Variants in RSC1A1 observed in about 807,000 individuals in gnomAD.
RSC1A1 encodes regulatory solute carrier protein family 1 member 1.
Under a neutral mutation model 7.7 loss-of-function variants are expected in RSC1A1, and 6 were observed. The ratio of observed to expected loss-of-function variants is 0.78; its 90% confidence interval spans 0.43 to 1.53. RSC1A1 has a LOEUF of 1.53. Ranked by LOEUF, RSC1A1 falls within the 40% of genes most tolerant of loss-of-function variation. The pLI is 0.01. For synonymous variants in RSC1A1, 250 were observed against 263.0 expected (o/e 0.95, Z 0.48); for missense variants, 729 against 726.3 (o/e 1.00, Z -0.04).
Position 15,661,000 on chromosome 1 carries a change from G to C in RSC1A1, c.1132G>C (p.Val378Leu). ...KPASENTSEEVICQSETIAEG... is the reference protein window; with the variant it reads ...KPASENTSEELICQSETIAEG... ...AGCTTCAGAAAATACATCTGAAGAAGTAATCTGTCAATCAGAAACCATAGC... is the reference window on the plus strand; with the variant it reads ...AGCTTCAGAAAATACATCTGAAGAACTAATCTGTCAATCAGAAACCATAGC... Residue 378 changes from valine to leucine, a missense_variant, in exon 1 of 1, where the codon GTA becomes CTA. By Grantham distance (32) the Val-to-Leu change is conservative (BLOSUM62 1). Coordinates refer to ENST00000345034, the MANE Select transcript of RSC1A1 (RefSeq NM_006511.3). 1 of 1,614,046 alleles carries C rather than the reference G, an allele frequency of 6.2e-7. No individual in the cohort carries two copies. The highest frequency in any genetic ancestry group is 1.1e-5 in the South Asian group (1 of 91,054).
Position 15,659,777 on chromosome 1 carries a change from A to G in RSC1A1, c.-92A>G. 6.8e-7 allele frequency: 1 copy of G among 1,461,114 alleles called. No homozygotes were observed. Among genetic ancestry groups the G allele is most frequent in the African/African-American group, 1.4e-5 (1 of 71,072 alleles). The allele number at this position is 1,461,114 out of a possible 1,614,324, so 90.5% of individuals were successfully genotyped here. On this transcript the variant is annotated 5_prime_UTR_variant, in exon 1 of 1. Transcript: ENST00000345034. ...CTGTTTAGATTTGTATCCTCTGGTA[A>G]TTTAGTGGCATTAGTCACCTGCTAA...
rs144378011 is a variant in RSC1A1 at position 15,661,157 on chromosome 1, C to G, written c.1289C>G (p.Thr430Arg). Residue 430 changes from threonine to arginine, a missense_variant, in exon 1 of 1, where the codon ACA (threonine) becomes AGA (arginine). Coordinates refer to ENST00000345034, the MANE Select transcript of RSC1A1 (RefSeq NM_006511.3). The part of the protein sequence containing the change: ...ISVSVETEKL[T>R]GTSSDTGREA... ...GTATCAGTGGAGACAGAAAAATTAA[C>G]AGGTACTTCATCTGACACTGGAAGA... 7.9e-5 allele frequency: 128 copies of G among 1,614,044 alleles called. No homozygotes were observed. The African/African-American group carries it at 1.5e-3, about 19-fold the overall frequency.
In RSC1A1 at chr1:15,660,188, C is replaced by G. The variant is rs1427928509; in HGVS notation, c.320C>G (p.Ala107Gly). Residue 107 changes from alanine to glycine, a missense_variant, in exon 1 of 1, where the codon GCA (alanine) becomes GGA (glycine). Coordinates refer to ENST00000345034, the MANE Select transcript of RSC1A1 (RefSeq NM_006511.3). ...AATTCATCCGAAGAAATAACTGTTG[C>G]AGGTAATCTGGAGAAATCTGCTGAA... ...MQNSSEEITV[A>G]GNLEKSAERS... 2 of 1,614,096 alleles carry G rather than the reference C, an allele frequency of 1.2e-6. No individual in the cohort carries two copies. Among genetic ancestry groups the G allele is most frequent in the South Asian group, 1.1e-5 (1 of 91,084 alleles).
In RSC1A1 at chr1:15,661,055, C is replaced by T. The variant is rs144434741; in HGVS notation, c.1187C>T (p.Ser396Phe). 1.9e-6 allele frequency: 3 copies of T among 1,614,050 alleles called. No individual in the cohort carries two copies. The highest frequency in any genetic ancestry group is 1.3e-5 in the African/African-American group (1 of 74,928). Residue 396 changes from serine (S) to phenylalanine (F), a missense_variant, in exon 1 of 1, where the codon TCT (serine) becomes TTT (phenylalanine). Coordinates refer to ENST00000345034, the MANE Select transcript of RSC1A1 (RefSeq NM_006511.3). ...AEGQTSIKDL[S>F]ERWTQNEHLT... The stretch of plus-strand genomic sequence containing the variant: ...GGCCAAACCAGTATTAAAGACCTTT[C>T]TGAAAGATGGACCCAAAATGAGCAT...
Position 15,661,411 on chromosome 1 carries a change from T to C in RSC1A1, c.1543T>C (p.Ser515Pro). The change falls in exon 1 of 1, where the codon TCA becomes CCA. Residue 515 changes from serine to proline, a missense_variant. Transcript: ENST00000345034. ...NQTSEQTKSL[S>P]SNFILVKDLG... is the part of the protein sequence containing the mutation. ...GACTTCTGAGCAAACTAAGTCTTTGTCATCCAATTTCATATTGGTTAAAGA... is the reference window on the plus strand; with the variant it reads ...GACTTCTGAGCAAACTAAGTCTTTGCCATCCAATTTCATATTGGTTAAAGA... 1 of 1,614,168 alleles carries C rather than the reference T, an allele frequency of 6.2e-7. No homozygotes were observed. The highest frequency in any genetic ancestry group is 1.1e-5 in the South Asian group (1 of 91,088).
chr1:15,661,405 T>C lies in RSC1A1; in HGVS notation c.1537T>C (p.Ser513Pro), dbSNP rs1432165717. The change falls in exon 1 of 1, where the codon TCT (serine) becomes CCT (proline). Residue 513 changes from serine (S) to proline (P), a missense_variant. By Grantham distance (74) the Ser-to-Pro change is moderately conservative. Coordinates refer to ENST00000345034, the MANE Select transcript of RSC1A1 (RefSeq NM_006511.3). ...CAATCAGACTTCTGAGCAAACTAAG[T>C]CTTTGTCATCCAATTTCATATTGGT... ...ALNQTSEQTK[S>P]LSSNFILVKD... 18 of 1,614,036 alleles carry C rather than the reference T, an allele frequency of 1.1e-5. No homozygotes were observed. Among genetic ancestry groups the C allele is most frequent in the Non-Finnish European group, 1.5e-5 (18 of 1,180,040 alleles).
In RSC1A1 at chr1:15,661,594, G is replaced by A; in HGVS notation, c.1726G>A (p.Asp576Asn). The A allele has an allele frequency of 6.2e-7, 1 of 1,614,108 alleles. No individual in the cohort carries two copies. Among genetic ancestry groups the A allele is most frequent in the Non-Finnish European group, 8.5e-7 (1 of 1,180,040 alleles). ...TCCACCATTGATTTTTCCTGCCACAGATATTGACCGCATTCTCCGTGCTGG... is the reference window on the plus strand; with the variant it reads ...TCCACCATTGATTTTTCCTGCCACAAATATTGACCGCATTCTCCGTGCTGG... The part of the protein sequence containing the change: ...ILPPLIFPAT[D>N]IDRILRAGFT... The change falls in exon 1 of 1, where the codon GAT (aspartate) becomes AAT (asparagine). Residue 576 changes from aspartate to asparagine, a missense_variant. Asp to Asn is a conservative substitution (Grantham distance 23). Transcript: ENST00000345034.
At position 15,661,585 on chromosome 1, in the gene RSC1A1, C is replaced by T. The variant is rs1236822766; in HGVS notation, c.1717C>T (p.Pro573Ser). 1.9e-6 allele frequency: 3 copies of T among 1,614,066 alleles called. No individual in the cohort carries two copies. The highest frequency in any genetic ancestry group is 1.7e-6 in the Non-Finnish European group (2 of 1,180,048). Residue 573 changes from proline (P) to serine (S), a missense_variant, in exon 1 of 1, where the codon CCT (proline) becomes TCT (serine). Pro to Ser is a moderately conservative substitution (Grantham distance 74). Transcript: ENST00000345034. ...TGCCATTCTTCCACCATTGATTTTT[C>T]CTGCCACAGATATTGACCGCATTCT... ...SPAILPPLIF[P>S]ATDIDRILRA...
At position 15,660,945 on chromosome 1, in the gene RSC1A1, T is replaced by G. The variant is rs752205473; in HGVS notation, c.1077T>G (p.Leu359=). ...CTATAACGGCAGCCTTGAAAGAACT[T>G]CATGAACTTTTGGTTGTTAGCAGTA... ...CPSITAALKE[L]HELLVVSSKP... The change falls in exon 1 of 1, where the codon CTT becomes CTG. Residue 359 remains leucine, a synonymous_variant. Coordinates refer to ENST00000345034, the MANE Select transcript of RSC1A1 (RefSeq NM_006511.3). The G allele has an allele frequency of 4.3e-6, 7 of 1,613,316 alleles. No individual in the cohort carries two copies. In the South Asian group the frequency reaches 6.6e-5, roughly 15 times the overall value.
chr1:15,661,793 C>A lies in RSC1A1; in HGVS notation c.*71C>A. 2.0e-6 allele frequency: 3 copies of A among 1,491,404 alleles called. No homozygotes were observed. The highest frequency in any genetic ancestry group is 2.7e-6 in the Non-Finnish European group (3 of 1,119,608). 92.4% of individuals were successfully genotyped at this position (1,491,404 alleles called of 1,614,324 possible). A position where few individuals can be genotyped will look rare whatever the true frequency, so the allele number is the denominator to read the frequency against. On this transcript the variant is annotated 3_prime_UTR_variant, in exon 1 of 1. Coordinates refer to ENST00000345034, the MANE Select transcript of RSC1A1 (RefSeq NM_006511.3). The stretch of plus-strand genomic sequence containing the variant: ...AGAAAGCTCTCTCTATATACACGCA[C>A]ACATACACACTCACCACATATACAG...
Position 15,660,008 on chromosome 1 carries a change from G to T in RSC1A1, c.140G>T (p.Arg47Leu), listed in dbSNP as rs144088253. The change falls in exon 1 of 1, where the codon CGC (arginine) becomes CTC (leucine). Residue 47 changes from arginine to leucine, a missense_variant. By Grantham distance (102) the Arg-to-Leu change is moderately radical. Transcript: ENST00000345034. ...VCPIKPSDSDRIEPKAVKALK... is the reference protein window; with the variant it reads ...VCPIKPSDSDLIEPKAVKALK... The stretch of plus-strand genomic sequence containing the variant: ...CCTATCAAGCCCAGTGACTCAGATC[G>T]CATTGAACCTAAAGCTGTGAAGGCT... 2.5e-6 allele frequency: 4 copies of T among 1,614,144 alleles called. No homozygotes were observed. Among genetic ancestry groups the T allele is most frequent in the East Asian group, 4.5e-5 (2 of 44,882 alleles).
At position 15,661,848 on chromosome 1, in the gene RSC1A1, G is replaced by A; in HGVS notation, c.*126G>A. On this transcript the variant is annotated 3_prime_UTR_variant, in exon 1 of 1. Transcript: ENST00000345034. ...TATAGAAACCTGCAAGCAGAATGTT[G>A]AGCCAGATTTTTTTTAAAGATTTTT... The A allele has an allele frequency of 1.6e-6, 2 of 1,270,452 alleles. No homozygotes were observed. Among genetic ancestry groups the A allele is most frequent in the African/African-American group, 1.5e-5 (1 of 65,336 alleles). The allele number at this position is 1,270,452 out of a possible 1,614,324, so 78.7% of individuals were successfully genotyped here.
chr1:15,661,773 G>C lies in RSC1A1; in HGVS notation c.*51G>C, dbSNP rs187749811. 975 of 1,539,958 alleles carry C rather than the reference G, an allele frequency of 6.3e-4. 5 individuals are homozygous for C. Among genetic ancestry groups the C allele is most frequent in the East Asian group, 9.1e-4 (40 of 44,196 alleles). On this transcript the variant is annotated 3_prime_UTR_variant, in exon 1 of 1. Coordinates refer to ENST00000345034, the MANE Select transcript of RSC1A1 (RefSeq NM_006511.3). ...CTCCATTCCCTTTAAACAAAAGAAA[G>C]CTCTCTCTATATACACGCACACATA...
Position 15,660,045 on chromosome 1 carries a change from A to C in RSC1A1, c.177A>C (p.Ser59=), listed in dbSNP as rs34830712. The C allele has an allele frequency of 6.2e-4, 1,005 of 1,614,108 alleles. 6 individuals are homozygous for C. In the African/African-American group the frequency reaches 0.011, roughly 18 times the overall value. Residue 59 remains serine, a synonymous_variant, in exon 1 of 1, where the codon TCA becomes TCC. Coordinates refer to ENST00000345034, the MANE Select transcript of RSC1A1 (RefSeq NM_006511.3). ...AAGCTGTGAAGGCTTTGAAGGCTTC[A>C]GCTGAATTCCAGCTAAACTCTGAAA... The part of the protein sequence containing the change: ...EPKAVKALKA[S]AEFQLNSEKK...
rs201470667 is a variant in RSC1A1 at position 15,659,984 on chromosome 1, C to T, written c.116C>T (p.Pro39Leu). The T allele has an allele frequency of 5.1e-5, 83 of 1,614,056 alleles. No individual in the cohort carries two copies. Among genetic ancestry groups the T allele is most frequent in the Non-Finnish European group, 6.7e-5 (79 of 1,180,038 alleles). ...LARSVSASVC[P>L]IKPSDSDRIE... ...CGCTCTGTCTCTGCTTCAGTCTGCC[C>T]TATCAAGCCCAGTGACTCAGATCGC... The change falls in exon 1 of 1, where the codon CCT becomes CTT. Residue 39 changes from proline to leucine, a missense_variant. Coordinates refer to ENST00000345034, the MANE Select transcript of RSC1A1 (RefSeq NM_006511.3).
the RSC1A1 span, chr1:15,660,799 C>T: frequency 2.5e-6 from 4 of 1,614,074 alleles, no homozygotes; most frequent in South Asian, 1.1e-5. Flanking sequence ...TCAGGATTTA[C>T]AGCCCCCAGA....
chr1:15,660,693 T>C lies in RSC1A1; in HGVS notation c.825T>C (p.Ile275=). The change falls in exon 1 of 1, where the codon ATT becomes ATC. Residue 275 remains isoleucine (I), a synonymous_variant. Transcript: ENST00000345034. ...TGRQNANVKN[I]GALDLTLDNP... ...GGCAGAATGCCAATGTCAAGAACATTGGTGCATTGGATCTCACTTTAGATA... is the reference window on the plus strand; with the variant it reads ...GGCAGAATGCCAATGTCAAGAACATCGGTGCATTGGATCTCACTTTAGATA... 6.2e-7 allele frequency: 1 copy of C among 1,614,212 alleles called. No individual in the cohort carries two copies. The highest frequency in any genetic ancestry group is 8.5e-7 in the Non-Finnish European group (1 of 1,180,040).
rs1343778953 is a variant in RSC1A1 at position 15,660,321 on chromosome 1, T to C, written c.453T>C (p.Asp151=). 3.7e-6 allele frequency: 6 copies of C among 1,614,130 alleles called. No individual in the cohort carries two copies. The highest frequency in any genetic ancestry group is 5.1e-6 in the Non-Finnish European group (6 of 1,180,028). ...CACAGATGTTTCTAGGTGAAAAGGATTGGCATCCAGAAAATCAGAACCTGA... is the reference window on the plus strand; with the variant it reads ...CACAGATGTTTCTAGGTGAAAAGGACTGGCATCCAGAAAATCAGAACCTGA... The part of the protein sequence containing the change: ...HEPQMFLGEK[D]WHPENQNLSQ... The change falls in exon 1 of 1, where the codon GAT becomes GAC. Residue 151 remains aspartate, a synonymous_variant. Coordinates refer to ENST00000345034, the MANE Select transcript of RSC1A1 (RefSeq NM_006511.3).
In RSC1A1 at chr1:15,660,393, G is replaced by C. The variant is rs1462641230; in HGVS notation, c.525G>C (p.Gln175His). ...PQQHEEPGNE[Q>H]YEVAQQKASH... Reference sequence around the variant, plus strand: ...AGCACGAAGAACCAGGGAATGAACAGTATGAGGTTGCACAACAAAAAGCTT... The same window carrying C: ...AGCACGAAGAACCAGGGAATGAACACTATGAGGTTGCACAACAAAAAGCTT... The change falls in exon 1 of 1, where the codon CAG becomes CAC. Residue 175 changes from glutamine (Q) to histidine (H), a missense_variant. By Grantham distance (24) the Gln-to-His change is conservative. Coordinates refer to ENST00000345034, the MANE Select transcript of RSC1A1 (RefSeq NM_006511.3). 1.9e-6 allele frequency: 3 copies of C among 1,614,024 alleles called. No homozygotes were observed. The highest frequency in any genetic ancestry group is 2.5e-6 in the Non-Finnish European group (3 of 1,179,996).
Sources: gnomAD v4.1 joint callset for allele counts on GRCh38, gnomAD v4.1.1 for gene constraint, MANE v1.5 for transcripts, NCBI Gene and HGNC (gene_info 2026-07-23, HGNC 2026-07-21) for gene names.